The following CREBBP variants were observed in gnomAD, a reference collection of about 807,000 sequenced individuals.
CREBBP encodes the protein CREB binding lysine acetyltransferase, also known as CREB-binding protein.
Under a neutral mutation model 265.0 loss-of-function variants are expected in CREBBP, and 19 were observed. That is an observed-to-expected ratio of 0.07 (90% CI 0.05 to 0.11). The LOEUF is 0.11. Among genes scored for constraint, CREBBP ranks in the 10% least tolerant of loss-of-function variants. CREBBP has a pLI of 1.00. For missense variants in CREBBP, 2,525 were observed against 3,219.0 expected (o/e 0.78, Z 5.22); for synonymous variants, 1,457 against 1,223.7 (o/e 1.19, Z -3.98).
In CREBBP at chr16:3,774,618, G is replaced by T; in HGVS notation, c.2234C>A (p.Ser745Tyr). ...CATCTGGACAGAGTGGTTCATTGGGGAGGCTGCACGAGGTCCCATGGGTGC... is the reference window on the plus strand; with the variant it reads ...CATCTGGACAGAGTGGTTCATTGGGTAGGCTGCACGAGGTCCCATGGGTGC... ...PQAPMGPRAA[S>Y]PMNHSVQMNS... Residue 745 changes from serine to tyrosine, a missense_variant, in exon 12 of 31, where the codon TCC becomes TAC. Around this residue, in one of 19 missense-constraint regions of CREBBP, gnomAD observed 548 missense variants for 533.0 expected, o/e 1.03. Coordinates refer to ENST00000262367, the MANE Select transcript of CREBBP (RefSeq NM_004380.3). 6.2e-7 allele frequency: 1 copy of T among 1,614,214 alleles called. No individual in the cohort carries two copies. Among genetic ancestry groups the T allele is most frequent in the Non-Finnish European group, 8.5e-7 (1 of 1,180,052 alleles).
At position 3,769,463 on chromosome 16, in the gene CREBBP, T is replaced by C. The variant is rs181868414; in HGVS notation, c.2881-110A>G. 1,226 of 1,341,686 alleles carry C rather than the reference T, an allele frequency of 9.1e-4. 8 individuals are homozygous for C. Among genetic ancestry groups the C allele is most frequent in the South Asian group, 7.6e-3 (635 of 83,266 alleles). The allele number at this position is 1,341,686 out of a possible 1,614,324, so 83.1% of individuals were successfully genotyped here. On this transcript the variant is annotated intron_variant, in intron 14 of 30. Coordinates refer to ENST00000262367, the MANE Select transcript of CREBBP (RefSeq NM_004380.3). ...TCCCATTAACATTTCTCAATACTGA[T>C]CCAGCAGGTGCCCTTCTGTGAAACC...
intron 3 of CREBBP, among the ~76,000 whole-genome samples, chr16:3,796,129 T>A (rs911468352): frequency 1.3e-5 from 2 of 152,164 alleles, no homozygotes; most frequent in African/African-American, 4.8e-5. Context: ...TACAGAAATA[T>A]CACATACCAA....
chr16:3,789,675 G>C (rs533120411), intron 5 of CREBBP, among the ~76,000 whole-genome samples: 8 of 151,834 alleles, frequency 5.3e-5, no homozygotes, highest in Non-Finnish European at 7.4e-5. Context: ...TTTACAAAAA[G>C]GATATTGCTG....
intron 5 of CREBBP, among the ~76,000 whole-genome samples, chr16:3,790,850 T>C (rs1315124052): frequency 2.0e-5 from 3 of 152,132 alleles, no homozygotes; most frequent in African/African-American, 7.2e-5. Context: ...CCACGGGGGC[T>C]GTCACTGGCA....
At chr16:3,806,797 C>T (rs1025628418) in intron 3 of CREBBP, among the ~76,000 whole-genome samples, 21 of 152,252 alleles carry the variant, frequency 1.4e-4, no homozygotes, top group Non-Finnish European at 3.1e-4. Context: ...CCTGCTCAAC[C>T]CCCAACTTCC....
At chr16:3,735,696 A>G (rs2052037645) in intron 28 of CREBBP, among the ~76,000 whole-genome samples, 1 of 152,120 alleles carries the variant, frequency 6.6e-6, no homozygotes, top group Non-Finnish European at 1.5e-5. Context: ...CAGAGTGGCC[A>G]CCAAACACGG....
intron 2 of CREBBP, among the ~76,000 whole-genome samples, chr16:3,835,675 G>C (rs2054432871): frequency 6.7e-6 from 1 of 150,352 alleles, no homozygotes; most frequent in African/African-American, 2.5e-5. Flanking sequence ...CGCCTCCCAG[G>C]TTCACGCCAT....
chr16:3,786,653 G>A (rs114488195), intron 5 of CREBBP, among the ~76,000 whole-genome samples: 80 of 152,308 alleles, frequency 5.3e-4, no homozygotes, highest in African/African-American at 1.6e-3. Context: ...CAGTGCTTGC[G>A]GGAGGCGAAA....
chr16:3,744,803 T>G, intron 23 of CREBBP, 91 bp downstream of exon 23: 1 of 966,534 alleles, frequency 1.0e-6, no homozygotes. Context: ...CTCAGAACCA[T>G]GTGTTGAGAG....
chr16:3,761,772 C>T (rs891299368), intron 16 of CREBBP, among the ~76,000 whole-genome samples: 5 of 152,256 alleles, frequency 3.3e-5, no homozygotes, highest in African/African-American at 1.2e-4. Context: ...GTCGGAAACA[C>T]ACAGCCTTGC....
chr16:3,725,877 A>G lies in CREBBP; in HGVS notation c.*1841T>C, dbSNP rs1054756590. On this transcript the variant is annotated 3_prime_UTR_variant, in exon 31 of 31. Coordinates refer to ENST00000262367, the MANE Select transcript of CREBBP (RefSeq NM_004380.3). Reference sequence around the variant, plus strand: ...CAGCCTTTGTTGGGGGACTAGGGATAAAGTGGGTTCTCTGGGTGCTGGGGG... The same window carrying G: ...CAGCCTTTGTTGGGGGACTAGGGATGAAGTGGGTTCTCTGGGTGCTGGGGG... 1.4e-4 allele frequency: 33 copies of G among 233,148 alleles called. No individual in the cohort carries two copies. The Admixed American group carries it at 1.9e-3, about 13-fold the overall frequency. The allele number at this position is 233,148 out of a possible 1,614,324, so 14.4% of individuals were successfully genotyped here.
intron 1 of CREBBP, among the ~76,000 whole-genome samples, chr16:3,873,304 G>A (rs977977895): frequency 5.3e-5 from 8 of 152,134 alleles, no homozygotes; most frequent in Admixed American, 2.6e-4. Flanking sequence ...TTAAGTTTTC[G>A]TAATTTTAAG....
In CREBBP at chr16:3,728,320, C is replaced by A. The variant is rs2151301927; in HGVS notation, c.6727G>T (p.Ala2243Ser). The stretch of plus-strand genomic sequence containing the variant: ...TGCATGCGCTGCTGCTGCTGCATGG[C>A]CGGTGGGTAGCCTCCGGGTCCTTGA... ...QPQGPGGYPP[A>S]MQQQQRMQQH... Residue 2243 changes from alanine (A) to serine (S), a missense_variant, in exon 31 of 31, where the codon GCC becomes TCC. By Grantham distance (99) the Ala-to-Ser change is moderately conservative (BLOSUM62 1). Around this residue, in one of 19 missense-constraint regions of CREBBP, gnomAD observed 473 missense variants for 459.3 expected, o/e 1.03. Transcript: ENST00000262367. The surrounding 1 kb of genome is among the most constrained non-coding windows in gnomAD (Gnocchi z 8.7). 1 of 1,612,362 alleles carries A rather than the reference C, an allele frequency of 6.2e-7. No individual in the cohort carries two copies. Among genetic ancestry groups the A allele is most frequent in the East Asian group, 2.2e-5 (1 of 44,850 alleles).
chr16:3,740,676 AC>A (rs1349201710), intron 23 of CREBBP, 127 bp from the exon 24 acceptor site: 2 of 1,114,902 alleles, frequency 1.8e-6, no homozygotes, highest in Non-Finnish European at 1.3e-6. Flanking sequence ...TTCTCCAAAC[AC>A]GGAAGAAATC....
At chr16:3,828,006 AAAT>A in intron 2 of CREBBP, among the ~76,000 whole-genome samples, 1 of 152,310 alleles carries the variant, frequency 6.6e-6, no homozygotes, top group East Asian at 1.9e-4. Flanking sequence ...TCACTTTAAA[AAAT>A]AATGTTTAAG....
At chr16:3,789,368 T>C (rs1052727875) in intron 5 of CREBBP, among the ~76,000 whole-genome samples, 40 of 152,186 alleles carry the variant, frequency 2.6e-4, no homozygotes, top group Admixed American at 2.4e-3. Flanking sequence ...CTGTCTGAAA[T>C]GTTCTTCCTT....
intron 16 of CREBBP, among the ~76,000 whole-genome samples, chr16:3,759,455 G>C (rs76468370): frequency 3.3e-5 from 5 of 151,878 alleles, no homozygotes; most frequent in African/African-American, 9.7e-5. Flanking sequence ...GTGTGTGTCG[G>C]GGGTTCCTAT....
At chr16:3,796,684 G>C (rs577317175) in intron 3 of CREBBP, among the ~76,000 whole-genome samples, 3 of 152,136 alleles carry the variant, frequency 2.0e-5, no homozygotes, top group African/African-American at 7.2e-5. Flanking sequence ...ACCACGCCCA[G>C]CCTGGCATGT....
intron 2 of CREBBP, among the ~76,000 whole-genome samples, chr16:3,843,039 A>T (rs1396166919): frequency 6.6e-6 from 1 of 152,000 alleles, no homozygotes; most frequent in Non-Finnish European, 1.5e-5. Flanking sequence ...AAAAATGACA[A>T]AGAACTGCAC....
Sources: gnomAD v4.1 joint callset for allele counts (sites outside exome capture counted in the v4.1 genomes callset) on GRCh38, gnomAD v4.1.1 for gene constraint, gnomAD v4.1.1 regional missense constraint, Gnocchi (gnomAD v3.1) non-coding constraint, MANE v1.5 for transcripts, NCBI Gene and HGNC (gene_info 2026-07-23, HGNC 2026-07-21) for gene names.